Variants in NLRP1 observed in about 807,000 individuals in gnomAD.
NLRP1 encodes NACHT, LRR and PYD domains-containing protein 1.
A neutral mutation model predicts 136.7 loss-of-function variants in NLRP1; 94 were observed. The ratio of observed to expected loss-of-function variants is 0.69; its 90% CI spans 0.58 to 0.82. The LOEUF (loss-of-function observed/expected upper bound fraction) is 0.82, where lower values mean the gene tolerates loss of function less well. Ranked by LOEUF, NLRP1 falls within the 40% of genes least tolerant of loss-of-function variation. The probability of loss-of-function intolerance (pLI) is 0.00; values close to 1 mark genes in which losing one functional copy is unlikely to be tolerated. For missense variants in NLRP1, 1,575 were observed against 1,802.7 expected (o/e 0.87, Z 2.29); for synonymous variants, 690 against 725.1 (o/e 0.95, Z 0.78).
Position 5,535,193 on chromosome 17 carries a change from C to T in NLRP1, c.2961-1205G>A, listed in dbSNP as rs188471308. On this transcript the variant is annotated intron_variant, in intron 8 of 16. Coordinates refer to ENST00000572272, the MANE Select transcript of NLRP1 (RefSeq NM_033004.4). ...CGAGATCATGCCATTGCACTCCAGC[C>T]TGGGTGACAGAGCGAGACTCTGTCT... is the stretch of plus-strand genomic sequence containing the variant. Among the ~76,000 whole-genome samples the T allele has an allele frequency of 2.2e-3, 340 of 152,038 alleles. 2 individuals are homozygous for T. The highest frequency in any genetic ancestry group is 7.9e-3 in the African/African-American group (327 of 41,458).
Position 5,577,831 on chromosome 17 carries a change from G to T in NLRP1, c.652+4028C>A, listed in dbSNP as rs202143784. On this transcript the variant is annotated intron_variant, in intron 3 of 16. Transcript: ENST00000572272. The stretch of plus-strand genomic sequence containing the variant: ...ATCCTAAGCCAAAAGAACAAAGCTG[G>T]AGGCATCATGCTATCTGACTTCAAA... Among the ~76,000 whole-genome samples the T allele has an allele frequency of 2.6e-5, 4 of 152,206 alleles. No homozygotes were observed. The East Asian group carries it at 7.7e-4, about 29-fold the overall frequency.
At chr17:5,513,247 A>T (rs963512069), downstream of NLRP1, among the ~76,000 whole-genome samples, 2 of 152,116 alleles carry the variant, frequency 1.3e-5, no homozygotes, top group Non-Finnish European at 2.9e-5. Context: ...ATGGCATCTG[A>T]TCTCTTATTT....
rs764693405 is a variant in NLRP1 at position 5,559,524 on chromosome 17, G to C, written c.1172C>G (p.Thr391Ser). 4 of 1,614,046 alleles carry C rather than the reference G, an allele frequency of 2.5e-6. No individual in the cohort carries two copies. The highest frequency in any genetic ancestry group is 2.7e-5 in the African/African-American group (2 of 74,928). The part of the protein sequence containing the change: ...AELIGKDGTA[T>S]PAPIRQILSR... Reference sequence around the variant, plus strand: ...CAGGATCTGTCTAATGGGAGCCGGAGTGGCTGTCCCATCTTTTCCGATGAG... The same window carrying C: ...CAGGATCTGTCTAATGGGAGCCGGACTGGCTGTCCCATCTTTTCCGATGAG... Residue 391 changes from threonine to serine, a missense_variant, in exon 4 of 17, where the codon ACT becomes AGT. Coordinates refer to ENST00000572272, the MANE Select transcript of NLRP1 (RefSeq NM_033004.4).
At chr17:5,580,885 C>T (rs960712561) in intron 3 of NLRP1, among the ~76,000 whole-genome samples, 3 of 152,262 alleles carry the variant, frequency 2.0e-5, no homozygotes, top group African/African-American at 4.8e-5. Context: ...TAGTTTAACT[C>T]GAATGTTGAT....
At chr17:5,569,753 C>T (rs1359189407) in intron 3 of NLRP1, among the ~76,000 whole-genome samples, 1 of 152,110 alleles carries the variant, frequency 6.6e-6, no homozygotes, top group African/African-American at 2.4e-5. Context: ...CTAAATTCGA[C>T]ACTTGACCAA....
At chr17:5,542,831 C>T (rs1038901854) in intron 5 of NLRP1, among the ~76,000 whole-genome samples, 1 of 150,562 alleles carries the variant, frequency 6.6e-6, no homozygotes, top group African/African-American at 2.4e-5. Context: ...TTCCCTCCCT[C>T]CCTTCCTTCT....
intron 3 of NLRP1, among the ~76,000 whole-genome samples, chr17:5,580,679 C>A (rs1386670724): frequency 6.6e-6 from 1 of 152,078 alleles, no homozygotes; most frequent in East Asian, 1.9e-4. Flanking sequence ...TTTTATGCTT[C>A]TATAGATGGC....
chr17:5,547,786 C>T (rs1001469142), intron 5 of NLRP1, among the ~76,000 whole-genome samples: 3 of 152,142 alleles, frequency 2.0e-5, no homozygotes, highest in East Asian at 1.9e-4. Context: ...AGTCACAGCA[C>T]GAGGCTGGGC....
chr17:5,583,273 A>G lies in NLRP1; in HGVS notation c.271+414T>C, dbSNP rs1216238398. On this transcript the variant is annotated intron_variant, in intron 1 of 16. Coordinates refer to ENST00000572272, the MANE Select transcript of NLRP1 (RefSeq NM_033004.4). The surrounding 1 kb of genome is among the most constrained non-coding windows in gnomAD (Gnocchi z 4.5). ...ACTCTGTGCTAAATGTTTAACCTGG[A>G]TGATCTCTTTTAACCCTCACACAGC... is the stretch of plus-strand genomic sequence containing the variant. Among the ~76,000 whole-genome samples the G allele has an allele frequency of 2.0e-5, 3 of 152,104 alleles. No homozygotes were observed. The highest frequency in any genetic ancestry group is 4.4e-5 in the Non-Finnish European group (3 of 68,018).
chr17:5,532,845 A>G lies in NLRP1; in HGVS notation c.3273T>C (p.Val1091=). Residue 1091 remains valine, a synonymous_variant, in exon 11 of 17, where the codon GTT becomes GTC. Transcript: ENST00000572272. Reference sequence around the variant, plus strand: ...ACCGGTACAAGTTCTTTTCTTTGTCAACTACCTCAGTAGCCACAGGCCCCG... The same window carrying G: ...ACCGGTACAAGTTCTTTTCTTTGTCGACTACCTCAGTAGCCACAGGCCCCG... ...GPTGPVATEV[V]DKEKNLYRVH... is the part of the protein sequence containing the mutation. 1 of 1,606,760 alleles carries G rather than the reference A, an allele frequency of 6.2e-7. No individual in the cohort carries two copies. The highest frequency in any genetic ancestry group is 8.5e-7 in the Non-Finnish European group (1 of 1,177,376).
intron 3 of NLRP1, 74 bp downstream of exon 3, chr17:5,581,785 C>T: frequency 8.0e-7 from 1 of 1,253,748 alleles, no homozygotes. Flanking sequence ...CCAACCTGGT[C>T]CCCAGGGGAC....
rs759109074 is a variant in NLRP1 at position 5,521,799 on chromosome 17, GGATT to G, written c.3521-17_3521-14del. ...TCCACATGGCCCCCTGTAAAAGAAT[GGATT>G]GAAGAGGCACAGGTTTATTTTTATT... On this transcript the variant is annotated splice_polypyrimidine_tract_variant and intron_variant, in intron 12 of 16. Coordinates refer to ENST00000572272, the MANE Select transcript of NLRP1 (RefSeq NM_033004.4). 6.4e-7 allele frequency: 1 copy of G among 1,572,672 alleles called. No homozygotes were observed. The highest frequency in any genetic ancestry group is 1.1e-5 in the South Asian group (1 of 86,996).
At chr17:5,515,581 A>T in intron 15 of NLRP1, 64 bp from the exon 16 acceptor site, 1 of 1,239,556 alleles carries the variant, frequency 8.1e-7, no homozygotes, top group Middle Eastern at 1.9e-4. Context: ...CACATGGTAC[A>T]CCTCCAAGCT....
chr17:5,539,375 C>A, intron 7 of NLRP1, 40 bp downstream of exon 7: 3 of 1,566,288 alleles, frequency 1.9e-6, no homozygotes, highest in Non-Finnish European at 2.6e-6. Flanking sequence ...ACCCCCCCAA[C>A]CCTCTTCCCT....
Position 5,515,068 on chromosome 17 carries a change from G to T in NLRP1, c.4108C>A (p.Pro1370Thr). Residue 1370 changes from proline to threonine, a missense_variant, in exon 17 of 17, where the codon CCT becomes ACT. Coordinates refer to ENST00000572272, the MANE Select transcript of NLRP1 (RefSeq NM_033004.4). ...AACTGCGGGGCATCCAGAGGTGAAG[G>T]TACGGCTGGCAACGAACAAAGAAGG... ...TLIPPARIAV[P>T]SPLDAPQLLH... 2 of 1,613,476 alleles carry T rather than the reference G, an allele frequency of 1.2e-6. No individual in the cohort carries two copies. The highest frequency in any genetic ancestry group is 1.7e-6 in the Non-Finnish European group (2 of 1,179,600).
chr17:5,525,075 C>T (rs1438197544), intron 12 of NLRP1, among the ~76,000 whole-genome samples: 1 of 152,182 alleles, frequency 6.6e-6, no homozygotes, highest in East Asian at 1.9e-4. Context: ...TGAGTGTTGA[C>T]TGGAGGAAGT....
At chr17:5,575,841 C>T (rs1350199882) in intron 3 of NLRP1, among the ~76,000 whole-genome samples, 6 of 152,304 alleles carry the variant, frequency 3.9e-5, no homozygotes, top group Admixed American at 1.3e-4. Context: ...GCACACATTG[C>T]GCTTATTCCA....
intron 8 of NLRP1, among the ~76,000 whole-genome samples, chr17:5,536,076 G>C (rs1911019881): frequency 6.6e-6 from 1 of 152,136 alleles, no homozygotes; most frequent in Non-Finnish European, 1.5e-5. Context: ...TCCTGGACTA[G>C]AGGCCATTTG....
chr17:5,545,312 T>C (rs1375869560), intron 5 of NLRP1, among the ~76,000 whole-genome samples: 1 of 142,192 alleles, frequency 7.0e-6, no homozygotes, highest in African/African-American at 2.5e-5. Context: ...CAATTCCCCC[T>C]GTCTCTCTTA....
Sources: gnomAD v4.1 joint callset for allele counts (sites outside exome capture counted in the v4.1 genomes callset) on GRCh38, gnomAD v4.1.1 for gene constraint, Gnocchi (gnomAD v3.1) non-coding constraint, MANE v1.5 for transcripts, NCBI Gene and HGNC (gene_info 2026-07-23, HGNC 2026-07-21) for gene names.